DNAH7: variants seen among roughly 807,000 people sequenced by gnomAD.
DNAH7 encodes the protein dynein axonemal heavy chain 7.
A neutral mutation model predicts 444.6 loss-of-function variants in DNAH7; 397 were observed. The ratio of observed to expected loss-of-function variants is 0.89; its 90% CI spans 0.82 to 0.97. DNAH7 has a LOEUF of 0.97. DNAH7 is among the 50% of genes least tolerant of loss of function. The pLI is 0.00. For synonymous variants in DNAH7, 1,636 were observed against 1,624.4 expected, an observed-to-expected ratio of 1.01 and a Z score of -0.17; for missense variants, 4,902 against 4,800.8, an observed-to-expected ratio of 1.02 and a Z score of -0.62.
intron 60 of DNAH7, among the ~76,000 whole-genome samples, chr2:195,772,781 C>CTT (rs201466193): frequency 5.2e-4 from 69 of 133,548 alleles, no homozygotes; most frequent in African/African-American, 9.2e-4. Flanking sequence ...TCTACTGTGA[C>CTT]TTTTTTTTTT....
intron 25 of DNAH7, among the ~76,000 whole-genome samples, chr2:195,907,612 G>A (rs1010465515): frequency 6.6e-6 from 1 of 151,856 alleles, no homozygotes; most frequent in African/African-American, 2.4e-5. Flanking sequence ...GATTGTGTGT[G>A]TGCATGCAAG....
chr2:195,999,947 T>C (rs1022083998), intron 12 of DNAH7, among the ~76,000 whole-genome samples: 2 of 152,084 alleles, frequency 1.3e-5, no homozygotes, highest in East Asian at 3.9e-4. Flanking sequence ...AACTTCAAGA[T>C]AGTGATTCTT....
intron 47 of DNAH7, among the ~76,000 whole-genome samples, chr2:195,841,377 G>A (rs1262329262): frequency 6.6e-6 from 1 of 151,630 alleles, no homozygotes; most frequent in Admixed American, 6.6e-5. Flanking sequence ...CCAGACAACA[G>A]TCTTAATGTA....
At chr2:195,970,165 G>A (rs1574914275) in intron 16 of DNAH7, 71 bp from the exon 17 acceptor site, 3 of 1,384,456 alleles carry the variant, frequency 2.2e-6, no homozygotes, top group Admixed American at 2.6e-5. Context: ...TTTTAACATT[G>A]TAGGAGTTAT....
chr2:196,063,713 T>C (rs908827445), intron 1 of DNAH7: 1 of 152,346 alleles, frequency 6.6e-6, no homozygotes, highest in African/African-American at 2.4e-5. Context: ...CTTCAGGTCC[T>C]TTCCACAGAC....
chr2:195,798,237 C>A (rs1696258513), intron 55 of DNAH7, among the ~76,000 whole-genome samples: 1 of 152,072 alleles, frequency 6.6e-6, no homozygotes, highest in South Asian at 2.1e-4. Context: ...GTGTTCCTAT[C>A]TGTATAATAG....
In DNAH7 at chr2:196,027,986, C is replaced by T. The variant is rs554367419; in HGVS notation, c.460G>A (p.Ala154Thr). The T allele has an allele frequency of 5.3e-5, 86 of 1,612,092 alleles. No individual in the cohort carries two copies. Among genetic ancestry groups the T allele is most frequent in the South Asian group, 2.8e-4 (25 of 90,804 alleles). Residue 154 changes from alanine (A) to threonine (T), a missense_variant, in exon 6 of 65, where the codon GCT (alanine) becomes ACT (threonine). Physicochemically the swap from Ala to Thr is moderately conservative, Grantham distance 58. Coordinates refer to ENST00000312428, the MANE Select transcript of DNAH7 (RefSeq NM_018897.3). ...AAGATGTCTTTCTCTATAGCAGAAG[C>T]GGTCGGTTTTGGAATTGTGCTTCCA... ...PDGSTIPKPT[A>T]SAIEKDILRY...
In DNAH7 at chr2:195,895,160, G is replaced by C. The variant is rs1215467605; in HGVS notation, c.4712C>G (p.Ala1571Gly). 1 of 1,612,858 alleles carries C rather than the reference G, an allele frequency of 6.2e-7. No homozygotes were observed. Among genetic ancestry groups the C allele is most frequent in the Non-Finnish European group, 8.5e-7 (1 of 1,179,180 alleles). ...GGAGGCACAATTGTCTTTGATAGCT[G>C]CCAGCAAATCATTGTAATCTGGTTT... is the stretch of plus-strand genomic sequence containing the variant. ...LPKPDYNDLL[A>G]AIKDNCASMN... The change falls in exon 30 of 65, where the codon GCA becomes GGA. Residue 1571 changes from alanine (A) to glycine (G), a missense_variant. Transcript: ENST00000312428.
Position 195,865,030 on chromosome 2 carries a change from T to C in DNAH7, c.6634-9A>G. ...TAATACACTCGAAGGACCTGTATAATAATTAAAAAGCAGCTTTAGAAACTT... is the reference window on the plus strand; with the variant it reads ...TAATACACTCGAAGGACCTGTATAACAATTAAAAAGCAGCTTTAGAAACTT... On this transcript the variant is annotated splice_polypyrimidine_tract_variant and intron_variant, in intron 40 of 64. Transcript: ENST00000312428. The C allele has an allele frequency of 1.3e-6, 2 of 1,550,732 alleles. No homozygotes were observed. Among genetic ancestry groups the C allele is most frequent in the Non-Finnish European group, 1.7e-6 (2 of 1,159,840 alleles).
chr2:195,827,745 A>ATT (rs199610066), intron 48 of DNAH7, among the ~76,000 whole-genome samples: 1 of 145,434 alleles, frequency 6.9e-6, no homozygotes. Flanking sequence ...GGCTCAGCTA[A>ATT]TTTTTTTTTT....
At chr2:195,972,197 C>T in intron 16 of DNAH7, 45 bp downstream of exon 16, 1 of 1,526,652 alleles carries the variant, frequency 6.6e-7, no homozygotes, top group South Asian at 1.2e-5. Flanking sequence ...AAGATAAAAA[C>T]AAAACATTTC....
At chr2:195,809,973 A>G in intron 51 of DNAH7, 102 bp from the exon 52 acceptor site, 1 of 926,436 alleles carries the variant, frequency 1.1e-6, no homozygotes, top group Non-Finnish European at 1.4e-6. Context: ...CTTTCTGGTC[A>G]ATTACCCCCC....
intron 61 of DNAH7, among the ~76,000 whole-genome samples, chr2:195,763,234 T>G (rs1574393551): frequency 6.6e-6 from 1 of 152,094 alleles, no homozygotes; most frequent in East Asian, 1.9e-4. Context: ...ATGTTTATAG[T>G]TTAAGTGTTT....
At chr2:196,035,762 G>A (rs1037171581) in intron 5 of DNAH7, among the ~76,000 whole-genome samples, 1 of 152,196 alleles carries the variant, frequency 6.6e-6, no homozygotes, top group Non-Finnish European at 1.5e-5. Context: ...AAAAATGTAA[G>A]TGAGGTATTG....
chr2:195,926,937 C>G (rs964083153), intron 21 of DNAH7, among the ~76,000 whole-genome samples: 1 of 151,954 alleles, frequency 6.6e-6, no homozygotes, highest in African/African-American at 2.4e-5. Flanking sequence ...TGAGATCCAT[C>G]AAATTTATAG....
intron 51 of DNAH7, among the ~76,000 whole-genome samples, chr2:195,811,497 C>T (rs80171511): frequency 0.059 from 8,972 of 152,118 alleles, 380 homozygotes; most frequent in Non-Finnish European, 0.09. Flanking sequence ...ACTACAAGTG[C>T]ATGTCATCAC....
At chr2:195,897,942 T>G (rs1290051306) in intron 28 of DNAH7, among the ~76,000 whole-genome samples, 177 bp from the exon 29 acceptor site, 1 of 151,778 alleles carries the variant, frequency 6.6e-6, no homozygotes, top group Non-Finnish European at 1.5e-5. Context: ...AAACTTGTTG[T>G]GTTTTTTTTT....
At chr2:195,889,263 T>C (rs1449606450) in intron 31 of DNAH7, among the ~76,000 whole-genome samples, 1 of 151,720 alleles carries the variant, frequency 6.6e-6, no homozygotes, top group African/African-American at 2.4e-5. Context: ...CCTTCCTTTC[T>C]TTCCTCCCTC....
At chr2:196,049,286 A>G (rs961501381) in intron 3 of DNAH7, among the ~76,000 whole-genome samples, 2 of 152,336 alleles carry the variant, frequency 1.3e-5, no homozygotes, top group South Asian at 2.1e-4. Flanking sequence ...TACACAGGAA[A>G]ATAGGATAAG....
Sources: gnomAD v4.1 joint callset for allele counts (sites outside exome capture counted in the v4.1 genomes callset) on GRCh38, gnomAD v4.1.1 for gene constraint, MANE v1.5 for transcripts, NCBI Gene and HGNC (gene_info 2026-07-23, HGNC 2026-07-21) for gene names.